The following NAP1L3 variants were observed in gnomAD, a reference collection of about 807,000 sequenced individuals.
NAP1L3 encodes nucleosome assembly protein 1 like 3.
For synonymous variants in NAP1L3, 127 were observed against 131.9 expected, an observed-to-expected ratio of 0.96 and a Z score of 0.25; for missense variants, 378 against 369.9, an observed-to-expected ratio of 1.02 and a Z score of -0.18.
chrX:93,672,821 ATTC>A lies in NAP1L3; in HGVS notation c.481_483del (p.Glu161del), dbSNP rs1300527182. On this transcript the variant is annotated inframe_deletion, in exon 1 of 1. Coordinates refer to ENST00000373079, the MANE Select transcript of NAP1L3 (RefSeq NM_004538.6). The stretch of plus-strand genomic sequence containing the variant: ...TCCTCATCCTCTGAATTCCATTCAC[ATTC>A]TTCTTCTGTAGGCTCGTATTCTGCA... 5 of 1,211,412 alleles carry A rather than the reference ATTC, an allele frequency of 4.1e-6. No individual in the cohort carries two copies. Among genetic ancestry groups the A allele is most frequent in the East Asian group, 5.9e-5 (2 of 33,824 alleles).
chrX:93,673,126 C>G lies in NAP1L3; in HGVS notation c.179G>C (p.Ser60Thr), dbSNP rs756086573. ...STSGSSSGSGSSSSSSGSTSS... is the reference protein window; with the variant it reads ...STSGSSSGSGTSSSSSGSTSS... ...AGTGCTGCCGCTGCTGCTGCTGCTG[C>G]TGCCGCTGCCGCTGCTGCTGCCACT... is the stretch of plus-strand genomic sequence containing the variant. The change falls in exon 1 of 1, where the codon AGC becomes ACC. Residue 60 changes from serine to threonine, a missense_variant. Coordinates refer to ENST00000373079, the MANE Select transcript of NAP1L3 (RefSeq NM_004538.6). 8.4e-7 allele frequency: 1 copy of G among 1,194,846 alleles called. No individual in the cohort carries two copies. Among genetic ancestry groups the G allele is most frequent in the East Asian group, 3.0e-5 (1 of 33,663 alleles).
rs760950815 is a variant in NAP1L3, at chrX:93,672,323, T to A, written c.982A>T (p.Met328Leu). The stretch of plus-strand genomic sequence containing the variant: ...ATGGGCTCATCATACTTCTGAATCA[T>A]AGGCCCGAGCTTGTCAACATTCTTT... ...VLKNVDKLGP[M>L]IQKYDEPILK... Residue 328 changes from methionine (M) to leucine (L), a missense_variant, in exon 1 of 1, where the codon ATG (methionine) becomes TTG (leucine). Met to Leu is a conservative substitution (Grantham distance 15, BLOSUM62 2). Transcript: ENST00000373079. 1 of 1,211,676 alleles carries A rather than the reference T, an allele frequency of 8.3e-7. No individual in the cohort carries two copies. Among genetic ancestry groups the A allele is most frequent in the Admixed American group, 2.2e-5 (1 of 46,052 alleles).
Position 93,672,185 on chromosome X carries a change from C to A in NAP1L3, c.1120G>T (p.Val374Leu). Residue 374 changes from valine (V) to leucine (L), a missense_variant, in exon 1 of 1, where the codon GTG becomes TTG. By Grantham distance (32) the Val-to-Leu change is conservative. Transcript: ENST00000373079. ...TTTGCCTTTATTATATATGTCTTCA[C>A]CAGCACCTCATTTCTGAAGTATGGG... ...PNPYFRNEVL[V>L]KTYIIKAKPD... 1 of 1,211,528 alleles carries A rather than the reference C, an allele frequency of 8.3e-7. No individual in the cohort carries two copies. Among genetic ancestry groups the A allele is most frequent in the African/African-American group, 1.7e-5 (1 of 57,728 alleles).
In NAP1L3 at chrX:93,672,218, G is replaced by C; in HGVS notation, c.1087C>G (p.Leu363Val). The change falls in exon 1 of 1, where the codon CTA (leucine) becomes GTA (valine). Residue 363 changes from leucine to valine, a missense_variant. Transcript: ENST00000373079. ...TCATTTCTGAAGTATGGGTTGGGTAGAAAATGAAATTCAAAGGTGTAACTT... is the reference window on the plus strand; with the variant it reads ...TCATTTCTGAAGTATGGGTTGGGTACAAAATGAAATTCAAAGGTGTAACTT... ...PVSYTFEFHFLPNPYFRNEVL... is the reference protein window; with the variant it reads ...PVSYTFEFHFVPNPYFRNEVL... 8.3e-7 allele frequency: 1 copy of C among 1,211,667 alleles called. No homozygotes were observed. The highest frequency in any genetic ancestry group is 1.7e-5 in the African/African-American group (1 of 57,751).
chrX:93,671,823 T>C lies in NAP1L3; in HGVS notation c.1482A>G (p.Gln494=). 1 of 1,202,869 alleles carries C rather than the reference T, an allele frequency of 8.3e-7. No homozygotes were observed. Among genetic ancestry groups the C allele is most frequent in the Non-Finnish European group, 1.1e-6 (1 of 890,824 alleles). ...TCTTGTTTCCATAATGTTTGCCAAA[T>C]TGATAGTAGGTACCATTGACTTCTC... The part of the protein sequence containing the change: ...YTGEVNGTYY[Q]FGKHYGNKKY... Residue 494 remains glutamine (Q), a synonymous_variant, in exon 1 of 1, where the codon CAA becomes CAG. Transcript: ENST00000373079.
In NAP1L3 at chrX:93,672,345, C is replaced by T. The variant is rs1222149850; in HGVS notation, c.960G>A (p.Lys320=). ...GIPDYWLIVL[K]NVDKLGPMIQ... is the part of the protein sequence containing the mutation. ...TCATAGGCCCGAGCTTGTCAACATTCTTTAAAACAATCAGCCAATAGTCAG... is the reference window on the plus strand; with the variant it reads ...TCATAGGCCCGAGCTTGTCAACATTTTTTAAAACAATCAGCCAATAGTCAG... Residue 320 remains lysine, a synonymous_variant, in exon 1 of 1, where the codon AAG becomes AAA. Transcript: ENST00000373079. The T allele has an allele frequency of 8.3e-7, 1 of 1,211,664 alleles. No homozygotes were observed. Among genetic ancestry groups the T allele is most frequent in the Admixed American group, 2.2e-5 (1 of 46,046 alleles).
At position 93,672,820 on chromosome X, in the gene NAP1L3, C is replaced by T; in HGVS notation, c.485G>A (p.Cys162Tyr). 1 of 1,209,832 alleles carries T rather than the reference C, an allele frequency of 8.3e-7. No homozygotes were observed. Among genetic ancestry groups the T allele is most frequent in the African/African-American group, 1.7e-5 (1 of 57,167 alleles). Residue 162 changes from cysteine to tyrosine, a missense_variant, in exon 1 of 1, where the codon TGT (cysteine) becomes TAT (tyrosine). Transcript: ENST00000373079. ...NAEYEPTEEE[C>Y]EWNSEDEEFS... ...CTCCTCATCCTCTGAATTCCATTCACATTCTTCTTCTGTAGGCTCGTATTC... is the reference window on the plus strand; with the variant it reads ...CTCCTCATCCTCTGAATTCCATTCATATTCTTCTTCTGTAGGCTCGTATTC...
In NAP1L3 at chrX:93,673,244, C is replaced by G. The variant is rs774159327; in HGVS notation, c.61G>C (p.Glu21Gln). 1 of 1,205,591 alleles carries G rather than the reference C, an allele frequency of 8.3e-7. No individual in the cohort carries two copies. The highest frequency in any genetic ancestry group is 1.8e-5 in the African/African-American group (1 of 57,105). The stretch of plus-strand genomic sequence containing the variant: ...GAATCACTAGTCGAGCTAGCCATCT[C>G]CTCTTCGGCAACCCCATGGGCGACA... ...EPVAHGVAEEEMASSTSDSGE... is the reference protein window; with the variant it reads ...EPVAHGVAEEQMASSTSDSGE... Residue 21 changes from glutamate (E) to glutamine (Q), a missense_variant, in exon 1 of 1, where the codon GAG (glutamate) becomes CAG (glutamine). Coordinates refer to ENST00000373079, the MANE Select transcript of NAP1L3 (RefSeq NM_004538.6).
Position 93,672,383 on chromosome X carries a change from G to A in NAP1L3, c.922C>T (p.Pro308Ser). The change falls in exon 1 of 1, where the codon CCT (proline) becomes TCT (serine). Residue 308 changes from proline (P) to serine (S), a missense_variant. Transcript: ENST00000373079. Reference protein sequence around the residue: ...ARKGKPKREDPKGIPDYWLIV... With the variant: ...ARKGKPKREDSKGIPDYWLIV... ...AGCCAATAGTCAGGAATGCCTTTAG[G>A]GTCTTCTCTTTTAGGCTTTCCCTTC... 1 of 1,210,267 alleles carries A rather than the reference G, an allele frequency of 8.3e-7. No homozygotes were observed.
In NAP1L3 at chrX:93,672,017, G is replaced by C; in HGVS notation, c.1288C>G (p.Gln430Glu). The change falls in exon 1 of 1, where the codon CAG (glutamine) becomes GAG (glutamate). Residue 430 changes from glutamine to glutamate, a missense_variant. Coordinates refer to ENST00000373079, the MANE Select transcript of NAP1L3 (RefSeq NM_004538.6). ...GATGCATTAGGAACCACTCTTGGCT[G>C]GATTTCAATTTCTCCAGTAGCAGTT... ...RTTATGEIEI[Q>E]PRVVPNASFF... is the part of the protein sequence containing the mutation. 1 of 1,200,528 alleles carries C rather than the reference G, an allele frequency of 8.3e-7. No homozygotes were observed.
In NAP1L3 at chrX:93,670,931, T is replaced by A. The variant is rs1453937330; in HGVS notation, c.*853A>T. 8.9e-6 allele frequency: 1 copy of A among 111,882 alleles called. No individual in the cohort carries two copies. Among genetic ancestry groups the A allele is most frequent in the Non-Finnish European group, 1.9e-5 (1 of 53,226 alleles). The allele number at this position is 111,882 out of a possible 1,213,427, so 9.2% of individuals were successfully genotyped here. A position where few individuals can be genotyped will look rare whatever the true frequency, so the allele number is the denominator to read the frequency against. On this transcript the variant is annotated 3_prime_UTR_variant, in exon 1 of 1. Coordinates refer to ENST00000373079, the MANE Select transcript of NAP1L3 (RefSeq NM_004538.6). Reference sequence around the variant, plus strand: ...TTATAGTCAGGAGAAAAGGCTAGATTTTTATAGTATAACACACTTTAATAT... The same window carrying A: ...TTATAGTCAGGAGAAAAGGCTAGATATTTATAGTATAACACACTTTAATAT...
chrX:93,673,525 T>C lies in NAP1L3; in HGVS notation c.-221A>G. ...GGGCGACAGCGGTGGCGGCAAGGCC[T>C]CTCCCGGCTGCAGCTAGAGTGCCGA... On this transcript the variant is annotated 5_prime_UTR_variant, in exon 1 of 1. Transcript: ENST00000373079. 2.0e-6 allele frequency: 1 copy of C among 488,316 alleles called. No homozygotes were observed. Among genetic ancestry groups the C allele is most frequent in the Non-Finnish European group, 3.3e-6 (1 of 306,636 alleles). The allele number at this position is 488,316 out of a possible 1,213,427, so 40.2% of individuals were successfully genotyped here. A position where few individuals can be genotyped will look rare whatever the true frequency, so the allele number is the denominator to read the frequency against.
chrX:93,672,411 A>G lies in NAP1L3; in HGVS notation c.894T>C (p.Ala298=), dbSNP rs1355304140. ...CTTCTCTTTTAGGCTTTCCCTTCCT[A>G]GCTCTTTTAAGATCTACACTGTCCT... ...RLQDSVDLKR[A]RKGKPKREDP... is the part of the protein sequence containing the mutation. Residue 298 remains alanine, a synonymous_variant, in exon 1 of 1, where the codon GCT becomes GCC. Transcript: ENST00000373079. The G allele has an allele frequency of 8.9e-7, 1 of 1,118,817 alleles. No homozygotes were observed. The highest frequency in any genetic ancestry group is 3.2e-5 in the East Asian group (1 of 31,143). The allele number at this position is 1,118,817 out of a possible 1,213,427, so 92.2% of individuals were successfully genotyped here.
Position 93,671,089 on chromosome X carries a change from G to C in NAP1L3, c.*695C>G, listed in dbSNP as rs2147559296. ...TTTAGTTTACAATTACACAATATAA[G>C]ATGAAGAAACTTTTTCAAAAATACT... On this transcript the variant is annotated 3_prime_UTR_variant, in exon 1 of 1. Coordinates refer to ENST00000373079, the MANE Select transcript of NAP1L3 (RefSeq NM_004538.6). The C allele has an allele frequency of 8.9e-6, 1 of 112,014 alleles. No homozygotes were observed. Among genetic ancestry groups the C allele is most frequent in the South Asian group, 3.7e-4 (1 of 2,712 alleles). The allele number at this position is 112,014 out of a possible 1,213,427, so 9.2% of individuals were successfully genotyped here. A position where few individuals can be genotyped will look rare whatever the true frequency, so the allele number is the denominator to read the frequency against.
chrX:93,673,385 G>A lies in NAP1L3; in HGVS notation c.-81C>T. ...ATGACTCACGGATGCTTGAGTGGCG[G>A]CGGCGGAGGCCCGGGCTGCGGAGGT... On this transcript the variant is annotated 5_prime_UTR_variant, in exon 1 of 1. Coordinates refer to ENST00000373079, the MANE Select transcript of NAP1L3 (RefSeq NM_004538.6). The A allele has an allele frequency of 8.9e-7, 1 of 1,128,860 alleles. No individual in the cohort carries two copies. Among genetic ancestry groups the A allele is most frequent in the Non-Finnish European group, 1.2e-6 (1 of 855,054 alleles). The allele number at this position is 1,128,860 out of a possible 1,213,427, so 93.0% of individuals were successfully genotyped here.
chrX:93,673,280 C>G lies in NAP1L3; in HGVS notation c.25G>C (p.Val9Leu). 3.4e-6 allele frequency: 4 copies of G among 1,193,171 alleles called. No homozygotes were observed. The highest frequency in any genetic ancestry group is 4.5e-6 in the Non-Finnish European group (4 of 884,660). ...ACCCCATGGGCGACAGGTTCCGAGA[C>G]CATTTTAAAATCTGCTTCTGCCATC... MAEADFKM[V>L]SEPVAHGVAE... The change falls in exon 1 of 1, where the codon GTC becomes CTC. Residue 9 changes from valine to leucine, a missense_variant. By Grantham distance (32) the Val-to-Leu change is conservative. Coordinates refer to ENST00000373079, the MANE Select transcript of NAP1L3 (RefSeq NM_004538.6).
chrX:93,671,565 G>A lies in NAP1L3; in HGVS notation c.*219C>T. On this transcript the variant is annotated 3_prime_UTR_variant, in exon 1 of 1. Coordinates refer to ENST00000373079, the MANE Select transcript of NAP1L3 (RefSeq NM_004538.6). ...TAATTGACAACAGCTTACATATTTT[G>A]AAGAATATTATACTACAACAGCCTA... 1 of 422,779 alleles carries A rather than the reference G, an allele frequency of 2.4e-6. No homozygotes were observed. The highest frequency in any genetic ancestry group is 3.6e-6 in the Non-Finnish European group (1 of 274,473). 34.8% of individuals were successfully genotyped at this position (422,779 alleles called of 1,213,427 possible).
Position 93,673,035 on chromosome X carries a change from G to A in NAP1L3, c.270C>T (p.Ala90=), listed in dbSNP as rs750466618. The A allele has an allele frequency of 1.7e-6, 2 of 1,209,218 alleles. No individual in the cohort carries two copies. The highest frequency in any genetic ancestry group is 3.5e-5 in the African/African-American group (2 of 57,014). Residue 90 remains alanine (A), a synonymous_variant, in exon 1 of 1, where the codon GCC becomes GCT. Coordinates refer to ENST00000373079, the MANE Select transcript of NAP1L3 (RefSeq NM_004538.6). The part of the protein sequence containing the change: ...VPEPSRRARR[A]PLGTNFVDRL... ...TATCCACGAAATTTGTTCCCAACGG[G>A]GCCCGCCGCGCCCTTCTGGAAGGCT...
In NAP1L3 at chrX:93,672,878, G is replaced by C; in HGVS notation, c.427C>G (p.Leu143Val). The C allele has an allele frequency of 8.3e-7, 1 of 1,211,189 alleles. No individual in the cohort carries two copies. Among genetic ancestry groups the C allele is most frequent in the Non-Finnish European group, 1.1e-6 (1 of 895,345 alleles). ...ATGATTTGAAACCGCCTATCATACAGAGGCTTGTTGAGTTCAGCATATTTT... is the reference window on the plus strand; with the variant it reads ...ATGATTTGAAACCGCCTATCATACACAGGCTTGTTGAGTTCAGCATATTTT... ...ERKYAELNKP[L>V]YDRRFQIINA... is the part of the protein sequence containing the mutation. The change falls in exon 1 of 1, where the codon CTG becomes GTG. Residue 143 changes from leucine (L) to valine (V), a missense_variant. By Grantham distance (32) the Leu-to-Val change is conservative. Coordinates refer to ENST00000373079, the MANE Select transcript of NAP1L3 (RefSeq NM_004538.6).
Sources: gnomAD v4.1 joint callset for allele counts on GRCh38, gnomAD v4.1.1 for gene constraint, MANE v1.5 for transcripts, NCBI Gene and HGNC (gene_info 2026-07-23, HGNC 2026-07-21) for gene names.